RAD54B: variants seen among roughly 807,000 people sequenced by gnomAD.
The protein encoded by RAD54B is RAD54 homolog B, also known as DNA repair and recombination protein RAD54B.
A neutral mutation model predicts 95.8 loss-of-function variants in RAD54B; 78 were observed. The observed-to-expected ratio is 0.81, with a 90% confidence interval of 0.68 to 0.98. RAD54B has a LOEUF of 0.98. Ranked by LOEUF, RAD54B falls within the 50% of genes least tolerant of loss-of-function variation. RAD54B has a pLI of 0.00. For missense variants in RAD54B, 957 were observed against 1,056.6 expected (o/e 0.91, Z 1.31); for synonymous variants, 328 against 354.9 (o/e 0.92, Z 0.85).
At chr8:94,415,813 A>G in intron 3 of RAD54B, among the ~76,000 whole-genome samples, 1 of 148,406 alleles carries the variant, frequency 6.7e-6, no homozygotes, top group South Asian at 2.2e-4. Flanking sequence ...CAAAACCACA[A>G]GGAGATACCA....
At chr8:94,382,752 A>T (rs1471466798) in intron 11 of RAD54B, among the ~76,000 whole-genome samples, 4 of 151,942 alleles carry the variant, frequency 2.6e-5, no homozygotes, top group African/African-American at 4.8e-5. Flanking sequence ...ATAGGGAGTG[A>T]GTTCTCACGA....
At chr8:94,399,314 T>C in intron 8 of RAD54B, 100 bp downstream of exon 8, 1 of 909,116 alleles carries the variant, frequency 1.1e-6, no homozygotes, top group Non-Finnish European at 1.7e-6. Context: ...ATAAATTCCA[T>C]CCAACACCAC....
chr8:94,400,376 C>T lies in RAD54B; in HGVS notation c.1032G>A (p.Gln344=). ...LQCISLIWTL[Q]CQGPYGGKPV... is the part of the protein sequence containing the mutation. ...GCTTGCCTCCATAGGGTCCCTGACA[C>T]TGCAGGGTCCAGATGAGCGAAATAC... Residue 344 remains glutamine (Q), a synonymous_variant, in exon 7 of 15, where the codon CAG becomes CAA. Coordinates refer to ENST00000336148, the MANE Select transcript of RAD54B (RefSeq NM_012415.3). The T allele has an allele frequency of 1.2e-6, 2 of 1,613,802 alleles. No individual in the cohort carries two copies. The highest frequency in any genetic ancestry group is 1.7e-6 in the Non-Finnish European group (2 of 1,179,882).
rs184358941 is a variant in RAD54B at position 94,443,649 on chromosome 8, T to C, written c.304+14619A>G. On this transcript the variant is annotated intron_variant, in intron 3 of 14. Coordinates refer to ENST00000336148, the MANE Select transcript of RAD54B (RefSeq NM_012415.3). ...AAACACAGATTTACTGAGCACTAATTAGAGCCTCACAAAAATGTAACCATT... is the reference window on the plus strand; with the variant it reads ...AAACACAGATTTACTGAGCACTAATCAGAGCCTCACAAAAATGTAACCATT... Among the ~76,000 whole-genome samples, 12 of 152,092 alleles carry C rather than the reference T, an allele frequency of 7.9e-5. No individual in the cohort carries two copies. In the East Asian group the frequency reaches 2.3e-3, roughly 30 times the overall value.
At chr8:94,424,750 C>T (rs1811901696) in intron 3 of RAD54B, among the ~76,000 whole-genome samples, 1 of 152,074 alleles carries the variant, frequency 6.6e-6, no homozygotes, top group Admixed American at 6.6e-5. Flanking sequence ...AAACAAGAGA[C>T]TTGAAGGTCT....
intron 5 of RAD54B, 102 bp downstream of exon 5, chr8:94,407,337 T>G: frequency 8.7e-7 from 1 of 1,148,186 alleles, no homozygotes; most frequent in South Asian, 1.6e-5. Context: ...TAATGTATAC[T>G]TTCACCTAAA....
At chr8:94,413,470 A>C (rs1358196678) in intron 3 of RAD54B, among the ~76,000 whole-genome samples, 3 of 152,220 alleles carry the variant, frequency 2.0e-5, no homozygotes, top group African/African-American at 4.8e-5. Flanking sequence ...CTTTTCAACA[A>C]ACATTGCTAA....
intron 14 of RAD54B, 91 bp from the exon 15 acceptor site, chr8:94,372,478 T>C: frequency 6.6e-7 from 1 of 1,522,224 alleles, no homozygotes; most frequent in South Asian, 1.3e-5. Flanking sequence ...TTAGTTTATG[T>C]GATTTATTAC....
At position 94,411,332 on chromosome 8, in the gene RAD54B, AAC is replaced by A. The variant is rs763965076; in HGVS notation, c.305-19_305-18del. 84 of 1,540,904 alleles carry A rather than the reference AAC, an allele frequency of 5.5e-5. No homozygotes were observed. Among genetic ancestry groups the A allele is most frequent in the Middle Eastern group, 1.7e-4 (1 of 5,754 alleles). On this transcript the variant is annotated intron_variant, in intron 3 of 14. Coordinates refer to ENST00000336148, the MANE Select transcript of RAD54B (RefSeq NM_012415.3). ...CCGAATGAACTACAATTAAAAAAAA[AAC>A]ACACATTATTAAAAATGACTTTAAT...
chr8:94,402,251 C>CTT (rs145064709), intron 6 of RAD54B, among the ~76,000 whole-genome samples: 22 of 143,910 alleles, frequency 1.5e-4, no homozygotes, highest in Admixed American at 2.8e-4. Context: ...TGCTATTTTT[C>CTT]TTTTTTTTTT....
intron 4 of RAD54B, among the ~76,000 whole-genome samples, chr8:94,410,363 T>TA (rs879452948): frequency 6.6e-6 from 1 of 152,220 alleles, no homozygotes; most frequent in Non-Finnish European, 1.5e-5. Flanking sequence ...TATTGCTTCC[T>TA]AATCATCAAT....
chr8:94,428,431 C>T (rs2515109), intron 3 of RAD54B: 31,729 of 526,160 alleles, frequency 0.06, 1,776 homozygotes, highest in East Asian at 0.32. Context: ...ATACTCAAGT[C>T]CCTTATATAA....
chr8:94,434,337 T>C (rs1248568465), intron 3 of RAD54B, among the ~76,000 whole-genome samples: 1 of 151,248 alleles, frequency 6.6e-6, no homozygotes. Flanking sequence ...GGCATAACAA[T>C]ATAAAAAGGG....
At chr8:94,374,278 CAAA>C (rs71273329) in intron 14 of RAD54B, among the ~76,000 whole-genome samples, 1 of 124,244 alleles carries the variant, frequency 8.0e-6, no homozygotes, top group Admixed American at 8.2e-5. Flanking sequence ...GACTCCGTCT[CAAA>C]AAAAAAAAAG....
At chr8:94,465,487 TA>T (rs1340692767) in intron 2 of RAD54B, among the ~76,000 whole-genome samples, 14 of 152,220 alleles carry the variant, frequency 9.2e-5, no homozygotes, top group African/African-American at 3.4e-4. Flanking sequence ...ATGCCAATAA[TA>T]AAAAAATTTT....
At chr8:94,392,452 G>A (rs1483888333) in intron 9 of RAD54B, among the ~76,000 whole-genome samples, 2 of 152,014 alleles carry the variant, frequency 1.3e-5, no homozygotes, top group Non-Finnish European at 2.9e-5. Flanking sequence ...AGTAAAGATG[G>A]GGTTTCACCA....
At chr8:94,470,770 G>GA (rs56341651) in intron 1 of RAD54B, among the ~76,000 whole-genome samples, 14,941 of 143,492 alleles carry the variant, frequency 0.1, 1,406 homozygotes, top group African/African-American at 0.25. Context: ...AGAAAACAAA[G>GA]AAAAAAAAAA....
At chr8:94,402,610 C>CA (rs1370049276) in intron 6 of RAD54B, among the ~76,000 whole-genome samples, 1 of 152,056 alleles carries the variant, frequency 6.6e-6, no homozygotes, top group Non-Finnish European at 1.5e-5. Context: ...AAAGGCTTGT[C>CA]CACTTGCCAC....
chr8:94,391,225 G>T (rs576854801), intron 10 of RAD54B, among the ~76,000 whole-genome samples: 97 of 151,758 alleles, frequency 6.4e-4, no homozygotes, highest in African/African-American at 2.3e-3. Context: ...CTTTCAAAAT[G>T]AGAAAAAAAT....
Sources: gnomAD v4.1 joint callset for allele counts (sites outside exome capture counted in the v4.1 genomes callset) on GRCh38, gnomAD v4.1.1 for gene constraint, MANE v1.5 for transcripts, NCBI Gene and HGNC (gene_info 2026-07-23, HGNC 2026-07-21) for gene names.